The following PNLIPRP1 variants were observed in gnomAD, a reference collection of about 807,000 sequenced individuals.
The protein encoded by PNLIPRP1 is pancreatic lipase related protein 1.
PNLIPRP1 carries 57 observed loss-of-function variants against 54.6 expected under a neutral mutation model. The observed-to-expected ratio is 1.04, with a 90% CI of 0.84 to 1.30. PNLIPRP1 has a LOEUF of 1.30. Ranked by LOEUF, PNLIPRP1 falls within the 50% of genes most tolerant of loss-of-function variation. The pLI, the probability that PNLIPRP1 is intolerant of heterozygous loss-of-function variation, is 0.00. For missense variants in PNLIPRP1, 567 were observed against 568.5 expected (o/e 1.00, Z 0.03); for synonymous variants, 232 against 208.8 (o/e 1.11, Z -0.96).
chr10:116,601,297 C>T (rs1847835032), intron 10 of PNLIPRP1, 96 bp downstream of exon 10: 3 of 1,149,322 alleles, frequency 2.6e-6, no homozygotes, highest in African/African-American at 1.5e-5. Flanking sequence ...TTTGTGGGTA[C>T]ATTTTAATTA....
In PNLIPRP1 at chr10:116,603,314, A is replaced by T. The variant is rs760342512; in HGVS notation, c.1064-716A>T. On this transcript the variant is annotated intron_variant, in intron 10 of 12. Coordinates refer to ENST00000358834, the MANE Select transcript of PNLIPRP1 (RefSeq NM_006229.4). ...CCCCTATTCCCTCTCTCTTCACCTTACCTTACTGTACTGCCATTCTGGGGC... is the reference window on the plus strand; with the variant it reads ...CCCCTATTCCCTCTCTCTTCACCTTTCCTTACTGTACTGCCATTCTGGGGC... Among the ~76,000 whole-genome samples the T allele has an allele frequency of 2.6e-5, 4 of 152,202 alleles. No homozygotes were observed. The East Asian group carries it at 5.8e-4, about 22-fold the overall frequency.
intron 10 of PNLIPRP1, among the ~76,000 whole-genome samples, chr10:116,601,481 T>A (rs1402902623): frequency 6.6e-6 from 1 of 152,134 alleles, no homozygotes; most frequent in African/African-American, 2.4e-5. Context: ...TACCCTGAAT[T>A]TTTACCACTC....
chr10:116,595,074 A>C (rs779965904), intron 5 of PNLIPRP1: 47 of 553,668 alleles, frequency 8.5e-5, no homozygotes, highest in Admixed American at 1.2e-4. Context: ...TTTTTTAAAA[A>C]TCATCTTCAA....
chr10:116,598,569 G>T (rs944243911), intron 8 of PNLIPRP1, among the ~76,000 whole-genome samples: 2 of 152,192 alleles, frequency 1.3e-5, no homozygotes, highest in Non-Finnish European at 2.9e-5. Context: ...GATGTAATCA[G>T]CTCCCTTTCA....
In PNLIPRP1 at chr10:116,605,375, T is replaced by C; in HGVS notation, c.1173-11T>C. 5 of 1,539,230 alleles carry C rather than the reference T, an allele frequency of 3.2e-6. No individual in the cohort carries two copies. Among genetic ancestry groups the C allele is most frequent in the Non-Finnish European group, 4.4e-6 (5 of 1,127,354 alleles). On this transcript the variant is annotated splice_polypyrimidine_tract_variant and intron_variant, in intron 11 of 12. Transcript: ENST00000358834. ...CCGTGAACAGGGATGTTTATGTTTC[T>C]CTATTTCAAGGGGGATTCTCAAACC...
intron 12 of PNLIPRP1, 24 bp downstream of exon 12, chr10:116,605,577 C>G: frequency 6.9e-7 from 1 of 1,451,382 alleles, no homozygotes; most frequent in Non-Finnish European, 9.3e-7. Flanking sequence ...CTGGCTGGTG[C>G]CTAAAAATGT....
At chr10:116,599,920 T>C (rs1480617801) in intron 8 of PNLIPRP1, 127 bp from the exon 9 acceptor site, 4 of 694,008 alleles carry the variant, frequency 5.8e-6, no homozygotes, top group Non-Finnish European at 1.0e-5. Flanking sequence ...GGTGGCTGAA[T>C]TTTGGATTTA....
chr10:116,605,849 G>T (rs1436512902), intron 12 of PNLIPRP1, among the ~76,000 whole-genome samples: 4 of 152,208 alleles, frequency 2.6e-5, no homozygotes, highest in Admixed American at 2.6e-4. Context: ...AAGGGTACAA[G>T]TTTATAAGTA....
Position 116,605,395 on chromosome 10 carries a change from C to G in PNLIPRP1, c.1182C>G (p.Leu394=). The G allele has an allele frequency of 6.3e-7, 1 of 1,577,552 alleles. No homozygotes were observed. The highest frequency in any genetic ancestry group is 1.2e-5 in the South Asian group (1 of 85,086). ...GTTTCTCTATTTCAAGGGGGATTCT[C>G]AAACCAGGCTCAACCCATTCCTATG... ...THQYSIFRGI[L]KPGSTHSYEF... Residue 394 remains leucine (L), a synonymous_variant, in exon 12 of 13, where the codon CTC becomes CTG. Coordinates refer to ENST00000358834, the MANE Select transcript of PNLIPRP1 (RefSeq NM_006229.4).
At chr10:116,597,000 T>C (rs1294290426) in intron 6 of PNLIPRP1, among the ~76,000 whole-genome samples, 2 of 152,128 alleles carry the variant, frequency 1.3e-5, no homozygotes. Flanking sequence ...GGGATGCAAA[T>C]AACTTGCCCA....
At chr10:116,594,694 A>C in intron 4 of PNLIPRP1, 36 bp from the exon 5 acceptor site, 1 of 1,613,224 alleles carries the variant, frequency 6.2e-7, no homozygotes, top group South Asian at 1.1e-5. Context: ...CCCTGCTCCC[A>C]TTATCTCCCC....
intron 4 of PNLIPRP1, chr10:116,594,181 A>T: frequency 2.7e-6 from 1 of 375,110 alleles, no homozygotes; most frequent in Non-Finnish European, 5.2e-6. Context: ...CCAGGAAGAC[A>T]TTTTCCTTCC....
intron 4 of PNLIPRP1, 196 bp downstream of exon 4, chr10:116,592,737 T>C (rs782332236): frequency 6.0e-5 from 42 of 701,698 alleles, no homozygotes; most frequent in Non-Finnish European, 9.8e-5. Flanking sequence ...ACATTTGCTG[T>C]TAGAAAAGTA....
At position 116,596,327 on chromosome 10, in the gene PNLIPRP1, G is replaced by A; in HGVS notation, c.574+5G>A. On this transcript the variant is annotated splice_donor_5th_base_variant and intron_variant, in intron 6 of 12. Coordinates refer to ENST00000358834, the MANE Select transcript of PNLIPRP1 (RefSeq NM_006229.4). ...CAGGCCTGAGCAGGATTACAGGTAAGGCCCCAGAGGCAGGGCCCCAGTTTT... is the reference window on the plus strand; with the variant it reads ...CAGGCCTGAGCAGGATTACAGGTAAAGCCCCAGAGGCAGGGCCCCAGTTTT... 1.3e-6 allele frequency: 2 copies of A among 1,572,438 alleles called. No individual in the cohort carries two copies. Among genetic ancestry groups the A allele is most frequent in the South Asian group, 2.2e-5 (2 of 89,482 alleles).
chr10:116,593,383 C>G (rs1477164747), intron 4 of PNLIPRP1, among the ~76,000 whole-genome samples: 4 of 152,132 alleles, frequency 2.6e-5, no homozygotes, highest in Non-Finnish European at 4.4e-5. Flanking sequence ...ATCATCCTTT[C>G]TATTTATGTG....
intron 12 of PNLIPRP1, among the ~76,000 whole-genome samples, chr10:116,606,311 G>T (rs1374679534): frequency 1.3e-5 from 2 of 152,062 alleles, no homozygotes; most frequent in African/African-American, 4.8e-5. Flanking sequence ...TCCACATCTG[G>T]GTCTCCTCGA....
At chr10:116,599,494 G>A (rs1225146440) in intron 8 of PNLIPRP1, among the ~76,000 whole-genome samples, 1 of 152,120 alleles carries the variant, frequency 6.6e-6, no homozygotes, top group Non-Finnish European at 1.5e-5. Flanking sequence ...AAGACACTAT[G>A]AGAGTGAAGC....
At chr10:116,602,804 T>C (rs559274847) in intron 10 of PNLIPRP1, among the ~76,000 whole-genome samples, 1 of 152,384 alleles carries the variant, frequency 6.6e-6, no homozygotes, top group Admixed American at 6.5e-5. Context: ...TATACGTATG[T>C]ATATGAGTCT....
chr10:116,594,736 T>A lies in PNLIPRP1; in HGVS notation c.337T>A (p.Phe113Ile), dbSNP rs1847703483. 1 of 1,614,126 alleles carries A rather than the reference T, an allele frequency of 6.2e-7. No homozygotes were observed. Residue 113 changes from phenylalanine to isoleucine, a missense_variant, in exon 5 of 13, where the codon TTC becomes ATC. Physicochemically the swap from Phe to Ile is conservative, Grantham distance 21. Transcript: ENST00000358834. ...ACTATCTCCCCAACACCAGAAACTG[T>A]TCGAGGTGGAGGAGGTGAACTGCAT... is the stretch of plus-strand genomic sequence containing the variant. ...SWVTDMCKKL[F>I]EVEEVNCICV...
Sources: allele counts gnomAD v4.1 joint callset (sites outside exome capture counted in the v4.1 genomes callset), GRCh38; gene constraint gnomAD v4.1.1; transcripts MANE v1.5; gene names NCBI Gene and HGNC (gene_info 2026-07-23, HGNC 2026-07-21).